The following PHF19 variants were observed in gnomAD, a reference collection of about 807,000 sequenced individuals.
PHF19 encodes PHD finger protein 19.
Under a neutral mutation model 79.8 loss-of-function variants are expected in PHF19, and 21 were observed. That is an observed-to-expected ratio of 0.26 (90% CI 0.19 to 0.38). PHF19 has a LOEUF of 0.38. PHF19 is among the 10% of genes least tolerant of loss of function. The probability of loss-of-function intolerance (pLI) is 1.00; values close to 1 mark genes in which losing one functional copy is unlikely to be tolerated. For synonymous variants in PHF19, 273 were observed against 296.3 expected (o/e 0.92, Z 0.81); for missense variants, 445 against 744.2 (o/e 0.60, Z 4.68).
chr9:120,877,293 G>A (rs533854928), upstream of PHF19: 11 of 958,948 alleles, frequency 1.1e-5, no homozygotes, highest in South Asian at 4.6e-5. Flanking sequence ...GGGCGCTCAG[G>A]AAGGGGCCCC....
chr9:120,877,768 G>T (rs1200717646), upstream of PHF19, among the ~76,000 whole-genome samples: 1 of 152,188 alleles, frequency 6.6e-6, no homozygotes, highest in Non-Finnish European at 1.5e-5. Flanking sequence ...ACAACACACA[G>T]TGCACAACGC....
chr9:120,861,346 G>C (rs920690004), intron 12 of PHF19, among the ~76,000 whole-genome samples, 172 bp from the exon 13 acceptor site: 48 of 152,180 alleles, frequency 3.2e-4, no homozygotes, highest in African/African-American at 1.1e-3. Flanking sequence ...CCCAGTTCTA[G>C]CCCTGCCTTT....
At chr9:120,890,249 G>A (rs1445341487) in intron 1 of PHF19, among the ~76,000 whole-genome samples, 1 of 148,488 alleles carries the variant, frequency 6.7e-6, no homozygotes, top group Non-Finnish European at 1.5e-5. Context: ...GGTTTTGTGA[G>A]CTGAGGCCTC....
intron 3 of PHF19, among the ~76,000 whole-genome samples, chr9:120,872,037 C>CAAAAAAAAAGAAAAAAAAAAAAAACAA (rs2045912428): frequency 3.3e-5 from 1 of 30,322 alleles, no homozygotes; most frequent in Non-Finnish European, 5.5e-5. Context: ...GACTCTGTCT[C>CAAAAAAAAAGAAAAAAAAAAAAAACAA]AAAAAAAAAA....
chr9:120,877,908 A>G (rs753771852), upstream of PHF19, among the ~76,000 whole-genome samples: 69 of 152,220 alleles, frequency 4.5e-4, no homozygotes, highest in Non-Finnish European at 9.4e-4. Flanking sequence ...CACAACAGAG[A>G]CACACAACAG....
At chr9:120,867,145 C>T (rs1282236512) in intron 6 of PHF19, among the ~76,000 whole-genome samples, 180 bp from the exon 7 acceptor site, 1 of 152,238 alleles carries the variant, frequency 6.6e-6, no homozygotes, top group Non-Finnish European at 1.5e-5. Context: ...TCTCATTTCA[C>T]CTCACCACCT....
chr9:120,888,038 T>A (rs2046291535), intron 1 of PHF19, among the ~76,000 whole-genome samples: 2 of 152,220 alleles, frequency 1.3e-5, no homozygotes, highest in South Asian at 4.1e-4. Flanking sequence ...AGTCGCACGA[T>A]CTCAGCTCAC....
rs370664759 is a variant in PHF19 at position 120,869,080 on chromosome 9, C to T, written c.614+102G>A. 9.1e-6 allele frequency: 12 copies of T among 1,312,616 alleles called. No homozygotes were observed. In the East Asian group the frequency reaches 1.1e-4, roughly 12 times the overall value. 81.3% of individuals were successfully genotyped at this position (1,312,616 alleles called of 1,614,324 possible). A position where few individuals can be genotyped will look rare whatever the true frequency, so the allele number is the denominator to read the frequency against. On this transcript the variant is annotated intron_variant, in intron 6 of 14. Coordinates refer to ENST00000373896, the MANE Select transcript of PHF19 (RefSeq NM_015651.3). This position sits in a 1 kb window ranked among gnomAD's most constrained non-coding sequence, Gnocchi z 5.8. ...ACACTGGGCCCGCCCTCAAGGTCCC[C>T]GCCTTGGCTGACACGCCAGGCTCGC...
chr9:120,873,834 T>C, intron 3 of PHF19, 145 bp downstream of exon 3: 1 of 619,442 alleles, frequency 1.6e-6, no homozygotes, highest in East Asian at 2.7e-5. Flanking sequence ...CCAGATTTGA[T>C]CATCATCACA....
chr9:120,874,832 A>G lies in PHF19; in HGVS notation c.-15-76T>C. On this transcript the variant is annotated intron_variant, in intron 1 of 14. Coordinates refer to ENST00000373896, the MANE Select transcript of PHF19 (RefSeq NM_015651.3). This position sits in a 1 kb window ranked among gnomAD's most constrained non-coding sequence, Gnocchi z 4.5. ...GCCCATCAGGGGAAGGAAGGAAACC[A>G]CCATTTCTGTACCCTGTGCTATAAG... 1 of 915,958 alleles carries G rather than the reference A, an allele frequency of 1.1e-6. No individual in the cohort carries two copies. The highest frequency in any genetic ancestry group is 1.7e-6 in the Non-Finnish European group (1 of 579,596). The allele number at this position is 915,958 out of a possible 1,614,324, so 56.7% of individuals were successfully genotyped here. A position where few individuals can be genotyped will look rare whatever the true frequency, so the allele number is the denominator to read the frequency against.
Position 120,860,852 on chromosome 9 carries a change from C to A in PHF19, c.1304+237G>T. 1 of 476,238 alleles carries A rather than the reference C, an allele frequency of 2.1e-6. No individual in the cohort carries two copies. The highest frequency in any genetic ancestry group is 2.3e-5 in the South Asian group (1 of 44,004). 29.5% of individuals were successfully genotyped at this position (476,238 alleles called of 1,614,324 possible). ...AGGGAGCAATACGAGCAAAGATGAG[C>A]AAGCATCAAACAGCATGGTGAGTGT... On this transcript the variant is annotated intron_variant, in intron 13 of 14. Transcript: ENST00000373896. The surrounding 1 kb of genome is among the most constrained non-coding windows in gnomAD (Gnocchi z 4.1).
intron 1 of PHF19, among the ~76,000 whole-genome samples, chr9:120,893,808 T>C (rs1353275032): frequency 2.6e-5 from 4 of 152,216 alleles, no homozygotes; most frequent in Non-Finnish European, 5.9e-5. Context: ...TATAGATCCC[T>C]GCGATGGAAG....
chr9:120,865,574 C>T, intron 9 of PHF19, 136 bp downstream of exon 9: 2 of 1,127,882 alleles, frequency 1.8e-6, no homozygotes, highest in South Asian at 3.1e-5. Context: ...TTAAAGGACA[C>T]AAGATCAGAG....
chr9:120,879,203 T>C (rs911205735), upstream of PHF19, among the ~76,000 whole-genome samples: 5 of 152,270 alleles, frequency 3.3e-5, no homozygotes, highest in Non-Finnish European at 7.3e-5. Context: ...TAAGTGATCA[T>C]TGTATTAATA....
intron 1 of PHF19, among the ~76,000 whole-genome samples, chr9:120,890,742 C>T (rs1417088080): frequency 2.0e-5 from 3 of 152,134 alleles, no homozygotes; most frequent in Non-Finnish European, 2.9e-5. Flanking sequence ...CCTATCCTTC[C>T]CTCAGCTCAA....
upstream of PHF19, among the ~76,000 whole-genome samples, chr9:120,895,668 CT>C (rs986048697): frequency 5.9e-3 from 874 of 148,600 alleles, 10 homozygotes; most frequent in African/African-American, 0.02. Context: ...TATAATGGCA[CT>C]TTTTTTTTTG....
the PHF19 span, among the ~76,000 whole-genome samples, chr9:120,901,824 G>A: frequency 1.3e-5 from 2 of 152,314 alleles, no homozygotes; most frequent in South Asian, 4.2e-4. Context: ...CCCCAGTCAA[G>A]TCTGACTGGC....
At chr9:120,884,251 G>T (rs1162751994) in intron 1 of PHF19, among the ~76,000 whole-genome samples, 1 of 152,036 alleles carries the variant, frequency 6.6e-6, no homozygotes, top group African/African-American at 2.4e-5. Context: ...GTTAATTAAA[G>T]ATACCTTTAA....
chr9:120,871,836 G>C (rs547756118), intron 3 of PHF19, among the ~76,000 whole-genome samples: 1 of 151,776 alleles, frequency 6.6e-6, no homozygotes, highest in African/African-American at 2.4e-5. Context: ...TCACGAGTTC[G>C]AGACCAGCCT....
Sources: allele counts gnomAD v4.1 joint callset (sites outside exome capture counted in the v4.1 genomes callset), GRCh38; gene constraint gnomAD v4.1.1; non-coding constraint Gnocchi (gnomAD v3.1); transcripts MANE v1.5; gene names NCBI Gene and HGNC (gene_info 2026-07-23, HGNC 2026-07-21).